The following TPCN2 variants were observed in gnomAD, a reference collection of about 807,000 sequenced individuals.
TPCN2 encodes two pore channel protein 2.
A neutral mutation model predicts 111.4 loss-of-function variants in TPCN2; 92 were observed. The ratio of observed to expected loss-of-function variants is 0.83; its 90% CI spans 0.70 to 0.98. The LOEUF is 0.98. Among genes scored for constraint, TPCN2 ranks in the 50% least tolerant of loss-of-function variants. The probability of loss-of-function intolerance (pLI) is 0.00; values close to 1 mark genes in which losing one functional copy is unlikely to be tolerated. For missense variants in TPCN2, 995 were observed against 980.1 expected (o/e 1.02, Z -0.20); for synonymous variants, 405 against 414.5 (o/e 0.98, Z 0.28).
In TPCN2 at chr11:69,087,008, C is replaced by T. The variant is rs1435035248; in HGVS notation, c.2086-104C>T. ...GGGTGTCCAGGGTGAATGGCTCAGC[C>T]CCCTCAGCGGGTGCCCTGTGGCTGA... On this transcript the variant is annotated intron_variant, in intron 23 of 24. Transcript: ENST00000294309. 6.4e-6 allele frequency: 6 copies of T among 930,540 alleles called. No individual in the cohort carries two copies. In the African/African-American group the frequency reaches 9.8e-5, roughly 15 times the overall value. The allele number at this position is 930,540 out of a possible 1,614,324, so 57.6% of individuals were successfully genotyped here. A position where few individuals can be genotyped will look rare whatever the true frequency, so the allele number is the denominator to read the frequency against.
At chr11:69,067,477 C>T in intron 7 of TPCN2, 26 bp from the exon 8 acceptor site, 1 of 1,601,348 alleles carries the variant, frequency 6.2e-7, no homozygotes, top group East Asian at 2.2e-5. Context: ...CCAGTGGTGC[C>T]CTGGAGCTGC....
intron 5 of TPCN2, among the ~76,000 whole-genome samples, chr11:69,059,627 C>T (rs775726317): frequency 6.6e-6 from 1 of 152,246 alleles, no homozygotes; most frequent in African/African-American, 2.4e-5. Context: ...ACTGTGGGCC[C>T]GCGCCGGGGC....
intron 1 of TPCN2, among the ~76,000 whole-genome samples, chr11:69,050,504 A>G (rs1273860499): frequency 6.6e-6 from 1 of 152,130 alleles, no homozygotes; most frequent in Non-Finnish European, 1.5e-5. Context: ...CAGCCTCCCA[A>G]GTAGCTGGGA....
At position 69,085,302 on chromosome 11, in the gene TPCN2, A is replaced by G; in HGVS notation, c.1838+16A>G. The stretch of plus-strand genomic sequence containing the variant: ...GAAACAGCAGGTGAGGTGGGGTCCG[A>G]GGTGCCACAGGGAGTGTCTCAGGGG... On this transcript the variant is annotated intron_variant, in intron 20 of 24. Transcript: ENST00000294309. 9.0e-7 allele frequency: 1 copy of G among 1,114,250 alleles called. No individual in the cohort carries two copies. Among genetic ancestry groups the G allele is most frequent in the South Asian group, 1.2e-5 (1 of 82,812 alleles). The allele number at this position is 1,114,250 out of a possible 1,614,324, so 69.0% of individuals were successfully genotyped here. A position where few individuals can be genotyped will look rare whatever the true frequency, so the allele number is the denominator to read the frequency against.
chr11:69,054,877 C>G (rs1854686206), intron 3 of TPCN2, 80 bp downstream of exon 3: 9 of 1,441,952 alleles, frequency 6.2e-6, no homozygotes, highest in Non-Finnish European at 8.7e-6. Flanking sequence ...TGGGGATCAC[C>G]TGGTCTCAGG....
intron 1 of TPCN2, among the ~76,000 whole-genome samples, chr11:69,052,527 C>T (rs1368444444): frequency 6.6e-6 from 1 of 152,118 alleles, no homozygotes; most frequent in African/African-American, 2.4e-5. Flanking sequence ...GGTCTCGTGG[C>T]TGTGCATGTG....
At chr11:69,075,380 G>A (rs746571479) in intron 13 of TPCN2, among the ~76,000 whole-genome samples, 1 of 152,186 alleles carries the variant, frequency 6.6e-6, no homozygotes, top group Non-Finnish European at 1.5e-5. Context: ...ACATCCTTCC[G>A]TATACTTTAA....
chr11:69,087,553 G>A (rs1209638754), intron 24 of TPCN2, among the ~76,000 whole-genome samples: 2 of 152,194 alleles, frequency 1.3e-5, no homozygotes, highest in African/African-American at 2.4e-5. Flanking sequence ...TGGTTCCTCT[G>A]CTAGTCCAGA....
intron 17 of TPCN2, 96 bp from the exon 18 acceptor site, chr11:69,081,304 T>G (rs1855997672): frequency 2.6e-6 from 2 of 761,394 alleles, no homozygotes; most frequent in Non-Finnish European, 4.3e-6. Flanking sequence ...CCTGTTGCCC[T>G]CCCTGCGCCT....
chr11:69,052,562 G>A (rs915076607), intron 1 of TPCN2, among the ~76,000 whole-genome samples: 2 of 152,118 alleles, frequency 1.3e-5, no homozygotes, highest in Admixed American at 1.3e-4. Context: ...AGGGAGGGAA[G>A]GCTCTTGCTC....
In TPCN2 at chr11:69,049,103, C is replaced by T. The variant is rs1199881078; in HGVS notation, c.106C>T (p.Pro36Ser). ...LTTYRSIQVG[P>S]GAAARWDLCI... ...CACTTACCGCAGCATCCAAGTCGGCCCTGGTGAGCCGCCCGGACCTGGGGA... is the reference window on the plus strand; with the variant it reads ...CACTTACCGCAGCATCCAAGTCGGCTCTGGTGAGCCGCCCGGACCTGGGGA... The change falls in exon 1 of 25, where the codon CCT (proline) becomes TCT (serine). Residue 36 changes from proline to serine, a missense_variant. Pro to Ser is a moderately conservative substitution (Grantham distance 74). Coordinates refer to ENST00000294309, the MANE Select transcript of TPCN2 (RefSeq NM_139075.4). The T allele has an allele frequency of 4.8e-6, 6 of 1,241,086 alleles. No homozygotes were observed. The highest frequency in any genetic ancestry group is 6.1e-6 in the Non-Finnish European group (6 of 987,322). 76.9% of individuals were successfully genotyped at this position (1,241,086 alleles called of 1,614,324 possible). A position where few individuals can be genotyped will look rare whatever the true frequency, so the allele number is the denominator to read the frequency against.
At position 69,082,961 on chromosome 11, in the gene TPCN2, A is replaced by G. The variant is rs35443302; in HGVS notation, c.1690-984A>G. On this transcript the variant is annotated intron_variant, in intron 18 of 24. Coordinates refer to ENST00000294309, the MANE Select transcript of TPCN2 (RefSeq NM_139075.4). The stretch of plus-strand genomic sequence containing the variant: ...GCATGATCGTGTGTGCACACATCGC[A>G]TGCAGATATCCTTGTGAACTCGTGC... 1.6e-3 allele frequency among the ~76,000 whole-genome samples: 205 copies of G among 130,920 alleles called. 2 individuals are homozygous for G. In the East Asian group the frequency reaches 0.023, roughly 15 times the overall value. The allele number at this position is 130,920 out of a possible 152,430, so 85.9% of individuals were successfully genotyped here.
intron 11 of TPCN2, 62 bp downstream of exon 11, chr11:69,072,085 G>GC: frequency 7.0e-7 from 1 of 1,438,614 alleles, no homozygotes; most frequent in South Asian, 1.2e-5. Flanking sequence ...CTGGGCAGGG[G>GC]CCGGGTGTTC....
At chr11:69,052,282 G>GT (rs1208206522) in intron 1 of TPCN2, among the ~76,000 whole-genome samples, 5 of 152,108 alleles carry the variant, frequency 3.3e-5, no homozygotes, top group Non-Finnish European at 7.4e-5. Flanking sequence ...AGGGAATCTG[G>GT]TAAGGTGGGG....
chr11:69,065,296 G>A (rs1185275444), intron 7 of TPCN2, among the ~76,000 whole-genome samples: 1 of 152,216 alleles, frequency 6.6e-6, no homozygotes, highest in Non-Finnish European at 1.5e-5. Context: ...GCCTGTACCA[G>A]GTGGATGGCG....
At chr11:69,057,313 C>G (rs909191946) in intron 4 of TPCN2, among the ~76,000 whole-genome samples, 25 of 152,384 alleles carry the variant, frequency 1.6e-4, no homozygotes, top group African/African-American at 5.8e-4. Context: ...GTTAGATAGG[C>G]AGAACAGGCA....
Position 69,090,284 on chromosome 11 carries a change from G to C in TPCN2, c.*2331G>C, listed in dbSNP as rs1212670972. The stretch of plus-strand genomic sequence containing the variant: ...GTTCCAGTTTTTCTCTCTTTCCATA[G>C]CTGTAAGGCCCTTTCTGGGAATGGT... On this transcript the variant is annotated 3_prime_UTR_variant, in exon 25 of 25. Coordinates refer to ENST00000294309, the MANE Select transcript of TPCN2 (RefSeq NM_139075.4). 1 of 148,328 alleles carries C rather than the reference G, an allele frequency of 6.7e-6. No individual in the cohort carries two copies. Among genetic ancestry groups the C allele is most frequent in the East Asian group, 2.0e-4 (1 of 5,076 alleles). The allele number at this position is 148,328 out of a possible 1,614,324, so 9.2% of individuals were successfully genotyped here.
intron 1 of TPCN2, among the ~76,000 whole-genome samples, chr11:69,051,264 G>C (rs1861214451): frequency 6.6e-6 from 1 of 152,234 alleles, no homozygotes; most frequent in African/African-American, 2.4e-5. Context: ...GTTTTCTCTT[G>C]TTGCTGGGTC....
chr11:69,061,711 A>T (rs981881038), intron 5 of TPCN2, among the ~76,000 whole-genome samples: 1 of 151,918 alleles, frequency 6.6e-6, no homozygotes, highest in Non-Finnish European at 1.5e-5. Context: ...ATGGGCTGGG[A>T]TAGGAGCAGG....
Sources: gnomAD v4.1 joint callset for allele counts (sites outside exome capture counted in the v4.1 genomes callset) on GRCh38, gnomAD v4.1.1 for gene constraint, MANE v1.5 for transcripts, NCBI Gene and HGNC (gene_info 2026-07-23, HGNC 2026-07-21) for gene names.